Variants in EPB41L3 observed in about 807,000 individuals in gnomAD.
EPB41L3 encodes band 4.1-like protein 3.
In EPB41L3, 57 loss-of-function variants were observed where a neutral mutation model predicts 127.1. That is an observed-to-expected ratio of 0.45 (90% CI 0.36 to 0.56). The LOEUF is 0.56. Among genes scored for constraint, EPB41L3 ranks in the 20% least tolerant of loss-of-function variants. EPB41L3 has a pLI of 0.00. For missense variants in EPB41L3, 1,273 were observed against 1,372.2 expected (o/e 0.93, Z 1.14); for synonymous variants, 572 against 549.5 (o/e 1.04, Z -0.57).
At chr18:5,503,257 T>G (rs2091893353) in intron 1 of EPB41L3, among the ~76,000 whole-genome samples, 1 of 152,206 alleles carries the variant, frequency 6.6e-6, no homozygotes, top group Non-Finnish European at 1.5e-5. Flanking sequence ...GAAATACACC[T>G]AACTATTCAT....
intron 1 of EPB41L3, among the ~76,000 whole-genome samples, chr18:5,624,656 T>C (rs2094902206): frequency 6.6e-6 from 1 of 152,206 alleles, no homozygotes. Context: ...ATTCTTCTCT[T>C]CTTCTGTCAT....
intron 1 of EPB41L3, among the ~76,000 whole-genome samples, chr18:5,495,067 T>C (rs1159274066): frequency 6.6e-6 from 1 of 152,126 alleles, no homozygotes; most frequent in Non-Finnish European, 1.5e-5. Flanking sequence ...TACCAAATGG[T>C]AAAATTCAGG....
At chr18:5,623,742 A>G (rs937592869) in intron 1 of EPB41L3, among the ~76,000 whole-genome samples, 2 of 150,866 alleles carry the variant, frequency 1.3e-5, no homozygotes, top group African/African-American at 4.9e-5. Flanking sequence ...CTGCCTCCCA[A>G]GTTCAAGTGA....
At chr18:5,615,396 A>G (rs912649147) in intron 1 of EPB41L3, among the ~76,000 whole-genome samples, 6 of 152,066 alleles carry the variant, frequency 3.9e-5, no homozygotes, top group African/African-American at 1.2e-4. Flanking sequence ...TTGTGGGTAC[A>G]TAGAAGATGT....
In EPB41L3 at chr18:5,543,061, T is replaced by G. The variant is rs2093782613; in HGVS notation, c.-12+852A>C. The stretch of plus-strand genomic sequence containing the variant: ...GAATCGCGGCCCCGAGGGCGCCAGG[T>G]GAGTCGCGCCGCCCCGAGCCCCCGG... On this transcript the variant is annotated intron_variant, in intron 1 of 22. Transcript: ENST00000341928. This position sits in a 1 kb window ranked among gnomAD's most constrained non-coding sequence, Gnocchi z 5.2. 6.6e-6 allele frequency among the ~76,000 whole-genome samples: 1 copy of G among 151,712 alleles called. No homozygotes were observed. The highest frequency in any genetic ancestry group is 1.5e-5 in the Non-Finnish European group (1 of 67,882).
At chr18:5,598,118 C>A (rs960600787) in intron 3 of EPB41L3, among the ~76,000 whole-genome samples, 1 of 152,104 alleles carries the variant, frequency 6.6e-6, no homozygotes, top group East Asian at 1.9e-4. Context: ...GGCCCAGGAA[C>A]CCCTGGGGGT....
intron 1 of EPB41L3, among the ~76,000 whole-genome samples, chr18:5,532,094 G>C (rs1262868019): frequency 3.3e-5 from 5 of 152,158 alleles, no homozygotes; most frequent in Non-Finnish European, 7.3e-5. Context: ...TTACAATCTA[G>C]AATTGACACC....
chr18:5,545,656 G>C (rs1380223056), upstream of EPB41L3, among the ~76,000 whole-genome samples: 1 of 152,142 alleles, frequency 6.6e-6, no homozygotes, highest in Non-Finnish European at 1.5e-5. Context: ...GCAAAGACTA[G>C]AACAGATGGG....
rs369291244 is a variant in EPB41L3 at position 5,428,286 on chromosome 18, C to T, written c.1065+27G>A. On this transcript the variant is annotated intron_variant, in intron 9 of 22. Transcript: ENST00000341928. Reference sequence around the variant, plus strand: ...TGCTATCAGGGATCTTTCCTCCCAACGCACAGGCAAATGTGGGTATACTTA... The same window carrying T: ...TGCTATCAGGGATCTTTCCTCCCAATGCACAGGCAAATGTGGGTATACTTA... 1,081 of 1,611,336 alleles carry T rather than the reference C, an allele frequency of 6.7e-4. 1 individual carries two copies. The highest frequency in any genetic ancestry group is 1.1e-3 in the South Asian group (96 of 90,996).
intron 8 of EPB41L3, among the ~76,000 whole-genome samples, 165 bp downstream of exon 8, chr18:5,433,304 C>G (rs1018420453): frequency 3.3e-5 from 5 of 152,154 alleles, no homozygotes; most frequent in Non-Finnish European, 7.4e-5. Context: ...TATCAGAAAG[C>G]TACATTTGTT....
At chr18:5,548,544 T>C (rs2093918106), upstream of EPB41L3, among the ~76,000 whole-genome samples, 1 of 152,224 alleles carries the variant, frequency 6.6e-6, no homozygotes, top group Non-Finnish European at 1.5e-5. Context: ...TATTCTTATA[T>C]AAAGAATAGA....
chr18:5,496,242 G>A (rs1004000600), intron 1 of EPB41L3, among the ~76,000 whole-genome samples: 2 of 152,186 alleles, frequency 1.3e-5, no homozygotes, highest in Non-Finnish European at 2.9e-5. Context: ...GAGAGATATG[G>A]TGACTATGGA....
intron 16 of EPB41L3, among the ~76,000 whole-genome samples, chr18:5,406,177 G>C (rs1159083021): frequency 6.6e-6 from 1 of 152,112 alleles, no homozygotes; most frequent in Non-Finnish European, 1.5e-5. Flanking sequence ...CTTGAACCTG[G>C]GAGGCGGAGG....
At chr18:5,461,402 C>G (rs2083977871) in intron 3 of EPB41L3, among the ~76,000 whole-genome samples, 2 of 152,168 alleles carry the variant, frequency 1.3e-5, no homozygotes, top group Admixed American at 1.3e-4. Context: ...AGGTGCATTC[C>G]TAAGTGCAAA....
chr18:5,434,727 T>C (rs527684375), intron 6 of EPB41L3, among the ~76,000 whole-genome samples: 153 of 152,362 alleles, frequency 1.0e-3, no homozygotes, highest in African/African-American at 3.3e-3. Flanking sequence ...CATACAATCA[T>C]GTGCAGAACT....
In EPB41L3 at chr18:5,453,213, T is replaced by A. The variant is rs115642113; in HGVS notation, c.382-7969A>T. Among the ~76,000 whole-genome samples the A allele has an allele frequency of 3.8e-3, 583 of 152,296 alleles. 8 individuals are homozygous for A. The highest frequency in any genetic ancestry group is 0.013 in the African/African-American group (559 of 41,560). ...TTACAAAGCTATGAATCAGCCTGAGTGAAGCCCTCTTCTGGCACAGCTGAA... is the reference window on the plus strand; with the variant it reads ...TTACAAAGCTATGAATCAGCCTGAGAGAAGCCCTCTTCTGGCACAGCTGAA... On this transcript the variant is annotated intron_variant, in intron 3 of 22. Coordinates refer to ENST00000341928, the MANE Select transcript of EPB41L3 (RefSeq NM_012307.5).
At chr18:5,432,886 A>G (rs1401067186) in intron 8 of EPB41L3, among the ~76,000 whole-genome samples, 1 of 152,228 alleles carries the variant, frequency 6.6e-6, no homozygotes, top group African/African-American at 2.4e-5. Flanking sequence ...CAGAGTGCCT[A>G]AACTTTAGAG....
intron 3 of EPB41L3, among the ~76,000 whole-genome samples, chr18:5,569,219 G>C (rs2094246030): frequency 6.6e-6 from 1 of 152,208 alleles, no homozygotes; most frequent in South Asian, 2.1e-4. Context: ...TTTTTAGTTA[G>C]ATGGCTGCAT....
intron 1 of EPB41L3, among the ~76,000 whole-genome samples, chr18:5,506,006 G>A (rs1221555612): frequency 6.6e-5 from 9 of 136,900 alleles, no homozygotes; most frequent in South Asian, 5.1e-4. Flanking sequence ...ACTACTAGCC[G>A]TAACTTCACC....
Sources: gnomAD v4.1 joint callset for allele counts (sites outside exome capture counted in the v4.1 genomes callset) on GRCh38, gnomAD v4.1.1 for gene constraint, Gnocchi (gnomAD v3.1) non-coding constraint, MANE v1.5 for transcripts, NCBI Gene and HGNC (gene_info 2026-07-23, HGNC 2026-07-21) for gene names.